GRM4: variants seen among roughly 807,000 people sequenced by gnomAD.
GRM4 encodes glutamate metabotropic receptor 4.
Under a neutral mutation model 81.7 loss-of-function variants are expected in GRM4, and 28 were observed. The ratio of observed to expected loss-of-function variants is 0.34; its 90% CI spans 0.25 to 0.47. The LOEUF is 0.47. Ranked by LOEUF, GRM4 falls within the 20% of genes least tolerant of loss-of-function variation. The probability of loss-of-function intolerance (pLI) is 1.00; values close to 1 mark genes in which losing one functional copy is unlikely to be tolerated. For missense variants in GRM4, 948 were observed against 1,290.0 expected (o/e 0.73, Z 4.06); for synonymous variants, 488 against 528.8 (o/e 0.92, Z 1.06).
chr6:34,090,639 C>T lies in GRM4; in HGVS notation c.736+1244G>A, dbSNP rs949888709. On this transcript the variant is annotated intron_variant, in intron 3 of 10. Coordinates refer to ENST00000538487, the MANE Select transcript of GRM4 (RefSeq NM_000841.4). This position sits in a 1 kb window ranked among gnomAD's most constrained non-coding sequence, Gnocchi z 5.2. ...CATCAGTCAGTGCTGCCCCACTTCC[C>T]GCCGCCCCGCTGCCCCCTCCACCAG... 1.1e-4 allele frequency among the ~76,000 whole-genome samples: 17 copies of T among 152,042 alleles called. No homozygotes were observed. The highest frequency in any genetic ancestry group is 3.9e-4 in the African/African-American group (16 of 41,380).
chr6:34,081,448 G>C (rs72888828), intron 3 of GRM4, among the ~76,000 whole-genome samples: 1,724 of 152,356 alleles, frequency 0.011, 19 homozygotes, highest in Non-Finnish European at 0.019. Flanking sequence ...TCAGGCTCAA[G>C]GGCTCTGGGA....
Position 34,111,490 on chromosome 6 carries a change from AC to A in GRM4, c.520-19392del, listed in dbSNP as rs1159930989. Among the ~76,000 whole-genome samples the A allele has an allele frequency of 6.6e-6, 1 of 152,066 alleles. No homozygotes were observed. The highest frequency in any genetic ancestry group is 1.5e-5 in the Non-Finnish European group (1 of 68,004). On this transcript the variant is annotated intron_variant, in intron 2 of 10. Transcript: ENST00000538487. This position sits in a 1 kb window ranked among gnomAD's most constrained non-coding sequence, Gnocchi z 5.1. ...TGGGGAGCACAAGAGAGTGTTCATA[AC>A]CCACCCCTGATCTTGCCATCCTGCC...
In GRM4 at chr6:34,074,447, A is replaced by G. The variant is rs1319347425; in HGVS notation, c.737-12419T>C. Among the ~76,000 whole-genome samples, 1 of 152,050 alleles carries G rather than the reference A, an allele frequency of 6.6e-6. No individual in the cohort carries two copies. Among genetic ancestry groups the G allele is most frequent in the African/African-American group, 2.4e-5 (1 of 41,352 alleles). On this transcript the variant is annotated intron_variant, in intron 3 of 10. Transcript: ENST00000538487. This position sits in a 1 kb window ranked among gnomAD's most constrained non-coding sequence, Gnocchi z 4.9. ...TGCCAGGGCAGCTGTGAGGCTCAAC[A>G]TCTCAGAGCTGAGCCCTTCCGCCCC...
intron 3 of GRM4, among the ~76,000 whole-genome samples, chr6:34,071,560 G>A (rs1258566713): frequency 1.1e-3 from 2 of 1,776 alleles, no homozygotes; most frequent in African/African-American, 2.3e-3. Context: ...ACATCACACA[G>A]ATAAACACCA....
In GRM4 at chr6:34,092,852, A is replaced by G. The variant is rs763278967; in HGVS notation, c.520-753T>C. On this transcript the variant is annotated intron_variant, in intron 2 of 10. Coordinates refer to ENST00000538487, the MANE Select transcript of GRM4 (RefSeq NM_000841.4). This position sits in a 1 kb window ranked among gnomAD's most constrained non-coding sequence, Gnocchi z 6.8. ...GGCCCCACCTGGACCCTCCCCAGGC[A>G]GGAATGAGACTCAGACCCCCTGCCT... Among the ~76,000 whole-genome samples the G allele has an allele frequency of 6.6e-6, 1 of 152,044 alleles. No homozygotes were observed. The highest frequency in any genetic ancestry group is 1.5e-5 in the Non-Finnish European group (1 of 67,958).
intron 2 of GRM4, among the ~76,000 whole-genome samples, chr6:34,128,017 C>A (rs143321207): frequency 4.9e-4 from 75 of 152,356 alleles, no homozygotes; most frequent in South Asian, 4.8e-3. Context: ...GGAACTCACA[C>A]CGCCAGGCTA....
intron 1 of GRM4, 38 bp downstream of exon 1, chr6:34,145,962 C>G: frequency 1.0e-6 from 1 of 982,514 alleles, no homozygotes; most frequent in Non-Finnish European, 1.2e-6. Flanking sequence ...CGGAAGCCCC[C>G]CCCTTCCTCC....
intron 6 of GRM4, among the ~76,000 whole-genome samples, chr6:34,049,318 C>T (rs928896235): frequency 1.3e-5 from 2 of 152,108 alleles, no homozygotes; most frequent in Admixed American, 6.5e-5. Context: ...GTCACTCCCT[C>T]CTCCAGTCCT....
At chr6:34,024,589 G>C in intron 10 of GRM4, 1 of 448,042 alleles carries the variant, frequency 2.2e-6, no homozygotes, top group African/African-American at 2.0e-5. Flanking sequence ...ACTGCTTGAG[G>C]ATGGGGTGAG....
intron 8 of GRM4, 127 bp downstream of exon 8, chr6:34,040,051 A>T (rs1764919942): frequency 9.0e-6 from 8 of 892,228 alleles, no homozygotes; most frequent in Non-Finnish European, 1.2e-5. Context: ...CTGGGAAGGA[A>T]GCCCCAGCCT....
In GRM4 at chr6:34,040,544, C is replaced by A; in HGVS notation, c.1369+4G>T. The A allele has an allele frequency of 6.2e-7, 1 of 1,610,828 alleles. No homozygotes were observed. Among genetic ancestry groups the A allele is most frequent in the East Asian group, 2.2e-5 (1 of 44,622 alleles). On this transcript the variant is annotated splice_donor_region_variant and intron_variant, in intron 7 of 10. Transcript: ENST00000538487. The stretch of plus-strand genomic sequence containing the variant: ...GTCAGGCACAGTCCGCACCACACCC[C>A]CACCTGAGAAGTTGACGTTTCGGAT...
Position 34,096,426 on chromosome 6 carries a change from C to T in GRM4, c.520-4327G>A, listed in dbSNP as rs147406085. 2.6e-3 allele frequency among the ~76,000 whole-genome samples: 395 copies of T among 152,334 alleles called. 2 individuals are homozygous for T. Among genetic ancestry groups the T allele is most frequent in the African/African-American group, 9.1e-3 (377 of 41,570 alleles). ...AGAGGGGGCCTAGCCTCCCACAGCA[C>T]TGAATGCGGCTGCCCCAAGGGCACC... is the stretch of plus-strand genomic sequence containing the variant. On this transcript the variant is annotated intron_variant, in intron 2 of 10. Transcript: ENST00000538487.
At chr6:34,084,435 G>T (rs2499706) in intron 3 of GRM4, among the ~76,000 whole-genome samples, 4 of 151,842 alleles carry the variant, frequency 2.6e-5, no homozygotes, top group Non-Finnish European at 5.9e-5. Context: ...GCCTGGGGGG[G>T]AAAACTCCAC....
At chr6:34,073,326 C>CACAG (rs758028688) in intron 3 of GRM4, among the ~76,000 whole-genome samples, 7,311 of 121,362 alleles carry the variant, frequency 0.06, 423 homozygotes, top group African/African-American at 0.16. Context: ...ACACACCACA[C>CACAG]ACACACACTC....
rs144490306 is a variant in GRM4 at position 34,090,335 on chromosome 6, G to A, written c.736+1548C>T. Among the ~76,000 whole-genome samples, 458 of 152,330 alleles carry A rather than the reference G, an allele frequency of 3.0e-3. 4 individuals carry two copies. The highest frequency in any genetic ancestry group is 0.01 in the African/African-American group (417 of 41,572). On this transcript the variant is annotated intron_variant, in intron 3 of 10. Transcript: ENST00000538487. This position sits in a 1 kb window ranked among gnomAD's most constrained non-coding sequence, Gnocchi z 5.2. ...AAAGGTAGGAGGTTGGTTTGGGGAA[G>A]AGTTGAAGCCACAGAGGAGGAAAGG...
chr6:34,138,692 T>C (rs934149710), intron 1 of GRM4, among the ~76,000 whole-genome samples: 4 of 152,162 alleles, frequency 2.6e-5, no homozygotes, highest in African/African-American at 9.7e-5. Context: ...TCGCAGGCCA[T>C]GGGGAAGGTG....
chr6:34,106,818 C>A (rs1769150828), intron 2 of GRM4, among the ~76,000 whole-genome samples: 1 of 152,266 alleles, frequency 6.6e-6, no homozygotes, highest in Admixed American at 6.5e-5. Flanking sequence ...CTTGCAGGTT[C>A]TGCAAATAAA....
At chr6:34,134,290 G>T (rs577937461) in intron 1 of GRM4, among the ~76,000 whole-genome samples, 1 of 152,320 alleles carries the variant, frequency 6.6e-6, no homozygotes, top group East Asian at 1.9e-4. Context: ...CGCAGGGAGT[G>T]TGCAGTTTAA....
At chr6:34,093,993 C>T (rs1768380896) in intron 2 of GRM4, among the ~76,000 whole-genome samples, 4 of 152,334 alleles carry the variant, frequency 2.6e-5, no homozygotes, top group Non-Finnish European at 4.4e-5. Context: ...AGTTTGGAAA[C>T]GACCCACATG....
Sources: allele counts gnomAD v4.1 joint callset (sites outside exome capture counted in the v4.1 genomes callset), GRCh38; gene constraint gnomAD v4.1.1; non-coding constraint Gnocchi (gnomAD v3.1); transcripts MANE v1.5; gene names NCBI Gene and HGNC (gene_info 2026-07-23, HGNC 2026-07-21).